Variants in PPM1E observed in about 807,000 individuals in gnomAD.
The protein encoded by PPM1E is protein phosphatase 1E.
In PPM1E, 20 loss-of-function variants were observed where a neutral mutation model predicts 65.9. The observed-to-expected ratio is 0.30, with a 90% confidence interval of 0.21 to 0.44. PPM1E has a LOEUF of 0.44. Among genes scored for constraint, PPM1E ranks in the 20% least tolerant of loss-of-function variants. The pLI is 1.00. For missense variants in PPM1E, 713 were observed against 953.1 expected, an observed-to-expected ratio of 0.75 and a Z score of 3.32; for synonymous variants, 352 against 374.9, an observed-to-expected ratio of 0.94 and a Z score of 0.70.
At chr17:58,831,158 G>A (rs1355177836) in intron 1 of PPM1E, among the ~76,000 whole-genome samples, 3 of 151,950 alleles carry the variant, frequency 2.0e-5, no homozygotes, top group Non-Finnish European at 2.9e-5. Context: ...TTACAGGCAC[G>A]TGCCACCACA....
intron 1 of PPM1E, among the ~76,000 whole-genome samples, chr17:58,821,591 A>G (rs1285164658): frequency 6.6e-6 from 1 of 152,214 alleles, no homozygotes; most frequent in Non-Finnish European, 1.5e-5. Context: ...TGTTTAAGTT[A>G]GCTTACGGCA....
intron 1 of PPM1E, among the ~76,000 whole-genome samples, chr17:58,943,336 A>G (rs1171844521): frequency 6.6e-6 from 1 of 152,120 alleles, no homozygotes; most frequent in Non-Finnish European, 1.5e-5. Flanking sequence ...CACAAATAAA[A>G]CAAAAACCAA....
chr17:58,949,722 C>T (rs2052210547), intron 1 of PPM1E, among the ~76,000 whole-genome samples: 2 of 152,004 alleles, frequency 1.3e-5, no homozygotes, highest in South Asian at 4.1e-4. Flanking sequence ...TTTCACATAT[C>T]TTCATGAGGG....
At chr17:58,915,608 T>G (rs2051675687) in intron 1 of PPM1E, among the ~76,000 whole-genome samples, 1 of 152,192 alleles carries the variant, frequency 6.6e-6, no homozygotes, top group Non-Finnish European at 1.5e-5. Flanking sequence ...GACCAAAGAC[T>G]ATATTGAATC....
At chr17:58,859,010 G>T (rs374258480) in intron 1 of PPM1E, among the ~76,000 whole-genome samples, 1 of 152,212 alleles carries the variant, frequency 6.6e-6, no homozygotes, top group Non-Finnish European at 1.5e-5. Flanking sequence ...TAAGTATAGC[G>T]TTTATTCAAG....
Position 58,965,787 on chromosome 17 carries a change from C to A in PPM1E, c.677C>A (p.Pro226His). 1 of 1,614,066 alleles carries A rather than the reference C, an allele frequency of 6.2e-7. No individual in the cohort carries two copies. The highest frequency in any genetic ancestry group is 8.5e-7 in the Non-Finnish European group (1 of 1,179,988). Residue 226 changes from proline (P) to histidine (H), a missense_variant, in exon 3 of 7, where the codon CCC (proline) becomes CAC (histidine). Around this residue, in one of 6 missense-constraint regions of PPM1E, gnomAD observed 84 missense variants for 113.9 expected, o/e 0.74. Coordinates refer to ENST00000308249, the MANE Select transcript of PPM1E (RefSeq NM_014906.5). The part of the protein sequence containing the change: ...WVKDFPLRRR[P>H]QLYYETSIHA... Reference sequence around the variant, plus strand: ...AAAGACTTCCCCCTCCGCAGGAGACCCCAGCTTTATTATGAGACATCAATC... The same window carrying A: ...AAAGACTTCCCCCTCCGCAGGAGACACCAGCTTTATTATGAGACATCAATC...
chr17:58,940,870 G>T (rs375781296), intron 1 of PPM1E, among the ~76,000 whole-genome samples: 1 of 152,030 alleles, frequency 6.6e-6, no homozygotes, highest in South Asian at 2.1e-4. Flanking sequence ...GCCACCATGC[G>T]TGGCTAATTT....
intron 1 of PPM1E, among the ~76,000 whole-genome samples, chr17:58,859,341 A>G (rs1289572206): frequency 6.6e-6 from 1 of 152,258 alleles, no homozygotes; most frequent in Non-Finnish European, 1.5e-5. Context: ...CCACATAGCC[A>G]CCGTCCTTTC....
chr17:58,784,248 C>G (rs1428683865), intron 1 of PPM1E, among the ~76,000 whole-genome samples: 1 of 151,942 alleles, frequency 6.6e-6, no homozygotes, highest in Non-Finnish European at 1.5e-5. Flanking sequence ...GTCTCGAACT[C>G]CTGACCTCAA....
At chr17:58,975,198 C>T (rs2030919884) in intron 6 of PPM1E, among the ~76,000 whole-genome samples, 1 of 152,216 alleles carries the variant, frequency 6.6e-6, no homozygotes, top group South Asian at 2.1e-4. Flanking sequence ...ATTAGGTTTA[C>T]AACTCAAACC....
chr17:58,827,636 C>T (rs969195533), intron 1 of PPM1E, among the ~76,000 whole-genome samples: 1 of 151,800 alleles, frequency 6.6e-6, no homozygotes, highest in Non-Finnish European at 1.5e-5. Flanking sequence ...GGCGCGGTGG[C>T]TTATGCCTGT....
At chr17:58,797,840 G>A (rs932122517) in intron 1 of PPM1E, among the ~76,000 whole-genome samples, 13 of 152,138 alleles carry the variant, frequency 8.5e-5, no homozygotes, top group Non-Finnish European at 1.9e-4. Context: ...AAAAATGTAT[G>A]GGAATTTCAG....
intron 1 of PPM1E, among the ~76,000 whole-genome samples, chr17:58,822,502 T>C (rs574439807): frequency 4.9e-4 from 75 of 152,202 alleles, no homozygotes; most frequent in African/African-American, 1.8e-3. Context: ...TGTTAGCTAG[T>C]AGGAAGAATG....
At chr17:58,860,090 C>G (rs1246265466) in intron 1 of PPM1E, among the ~76,000 whole-genome samples, 1 of 152,134 alleles carries the variant, frequency 6.6e-6, no homozygotes, top group African/African-American at 2.4e-5. Flanking sequence ...GTTAGGGTCT[C>G]TACATGCCAA....
At chr17:58,899,472 G>A (rs748282688) in intron 1 of PPM1E, 5 of 226,918 alleles carry the variant, frequency 2.2e-5, no homozygotes, top group Non-Finnish European at 2.8e-5. Flanking sequence ...TGTGTGATGA[G>A]CCTGTGTATG....
intron 2 of PPM1E, among the ~76,000 whole-genome samples, chr17:58,962,870 A>G (rs2030078266): frequency 6.6e-6 from 1 of 151,872 alleles, no homozygotes; most frequent in African/African-American, 2.4e-5. Context: ...ACTTGAGGCC[A>G]GGAGTTTGAG....
chr17:58,823,454 G>T (rs932665143), intron 1 of PPM1E, among the ~76,000 whole-genome samples: 2 of 152,120 alleles, frequency 1.3e-5, no homozygotes, highest in African/African-American at 4.8e-5. Flanking sequence ...GATTAGATAT[G>T]TTTTATATCA....
intron 6 of PPM1E, among the ~76,000 whole-genome samples, chr17:58,973,808 T>C (rs1351580888): frequency 1.3e-5 from 2 of 151,822 alleles, no homozygotes; most frequent in Non-Finnish European, 2.9e-5. Context: ...AAAAATTAGC[T>C]GGGTGTTGTG....
intron 1 of PPM1E, among the ~76,000 whole-genome samples, chr17:58,907,437 A>C (rs1389357012): frequency 6.6e-6 from 1 of 152,096 alleles, no homozygotes; most frequent in Non-Finnish European, 1.5e-5. Context: ...AATGTTCCCT[A>C]TGAGTTTGAG....
Sources: gnomAD v4.1 joint callset for allele counts (sites outside exome capture counted in the v4.1 genomes callset) on GRCh38, gnomAD v4.1.1 for gene constraint, gnomAD v4.1.1 regional missense constraint, MANE v1.5 for transcripts, NCBI Gene and HGNC (gene_info 2026-07-23, HGNC 2026-07-21) for gene names.